HLCS: variants seen among roughly 807,000 people sequenced by gnomAD.
The protein encoded by HLCS is holocarboxylase synthetase, also known as biotin--protein ligase.
HLCS carries 53 observed loss-of-function variants against 75.0 expected under a neutral mutation model. The observed-to-expected ratio is 0.71, with a 90% CI of 0.57 to 0.89. The LOEUF (loss-of-function observed/expected upper bound fraction) is 0.89, where lower values mean the gene tolerates loss of function less well. Among genes scored for constraint, HLCS ranks in the 40% least tolerant of loss-of-function variants. The pLI, the probability that HLCS is intolerant of heterozygous loss-of-function variation, is 0.00. For synonymous variants in HLCS, 431 were observed against 428.6 expected, an observed-to-expected ratio of 1.01 and a Z score of -0.07; for missense variants, 966 against 1,074.0, an observed-to-expected ratio of 0.90 and a Z score of 1.41.
Position 36,902,211 on chromosome 21 carries a change from A to T in HLCS, c.1621-5080T>A, listed in dbSNP as rs564551648. On this transcript the variant is annotated intron_variant, in intron 5 of 10. Transcript: ENST00000674895. ...TGGCAAAGGGTCTCCTTTAAAGGGT[A>T]GAGAGGAATGGGGCAGTGGCTAGAG... is the stretch of plus-strand genomic sequence containing the variant. 2.2e-4 allele frequency among the ~76,000 whole-genome samples: 34 copies of T among 152,314 alleles called. No individual in the cohort carries two copies. The South Asian group carries it at 7.1e-3, about 32-fold the overall frequency.
At chr21:36,850,596 G>A (rs987810209) in intron 6 of HLCS, among the ~76,000 whole-genome samples, 3 of 150,962 alleles carry the variant, frequency 2.0e-5, no homozygotes, top group Admixed American at 6.5e-5. Context: ...TGTCCTTAGC[G>A]CCTTGAGTCC....
intron 6 of HLCS, among the ~76,000 whole-genome samples, chr21:36,784,113 C>T (rs1385959668): frequency 6.6e-6 from 1 of 152,072 alleles, no homozygotes; most frequent in Non-Finnish European, 1.5e-5. Flanking sequence ...TTAAATGTCC[C>T]AGTGACTCTC....
At chr21:36,974,858 G>T (rs550422869) in intron 1 of HLCS, 2 of 152,190 alleles carry the variant, frequency 1.3e-5, no homozygotes, top group African/African-American at 4.8e-5. Flanking sequence ...AATTTCTGTT[G>T]TTGAAGCCCC....
intron 6 of HLCS, among the ~76,000 whole-genome samples, chr21:36,860,365 AGGAAGCCACACCCG>A (rs1382241577): frequency 1.1e-4 from 17 of 151,426 alleles, no homozygotes; most frequent in African/African-American, 4.2e-4. Context: ...ACACCCCTCC[AGGAAGCCACACCCG>A]CCAGGAAGTC....
intron 6 of HLCS, among the ~76,000 whole-genome samples, chr21:36,793,295 C>CTTTTTTTTTTTTTTTTTTTTTTTTTTTTT (rs761549990): frequency 2.6e-5 from 3 of 116,260 alleles, no homozygotes; most frequent in Admixed American, 9.0e-5. Flanking sequence ...AGGAAGCAGT[C>CTTTTTTTTTTTTTTTTTTTTTTTTTTTTT]TTTTTTTTTT....
chr21:36,926,383 C>A (rs2066408162), intron 5 of HLCS, among the ~76,000 whole-genome samples: 1 of 152,142 alleles, frequency 6.6e-6, no homozygotes, highest in South Asian at 2.1e-4. Context: ...CAGAGCGAAC[C>A]CTTTCTAAAT....
chr21:36,964,628 G>A (rs1375039540), intron 1 of HLCS, among the ~76,000 whole-genome samples: 2 of 152,304 alleles, frequency 1.3e-5, no homozygotes, highest in South Asian at 2.1e-4. Flanking sequence ...TTACTGTGCA[G>A]AGTGACAGAG....
At chr21:36,925,918 T>C (rs544164443) in intron 5 of HLCS, among the ~76,000 whole-genome samples, 1 of 152,348 alleles carries the variant, frequency 6.6e-6, no homozygotes, top group African/African-American at 2.4e-5. Flanking sequence ...AAAAGAATTA[T>C]GTTTTTTCTG....
intron 6 of HLCS, among the ~76,000 whole-genome samples, chr21:36,874,022 G>A (rs556672025): frequency 2.0e-5 from 3 of 152,220 alleles, no homozygotes; most frequent in South Asian, 2.1e-4. Context: ...AAAACTTTAC[G>A]ATTTTTCACT....
chr21:36,829,510 TATAA>T (rs1361210321), intron 6 of HLCS, among the ~76,000 whole-genome samples: 1 of 152,250 alleles, frequency 6.6e-6, no homozygotes, highest in African/African-American at 2.4e-5. Flanking sequence ...CAGGTATTAC[TATAA>T]ATATTGTCAT....
At chr21:36,904,960 G>C (rs1046362860) in intron 5 of HLCS, among the ~76,000 whole-genome samples, 2 of 152,180 alleles carry the variant, frequency 1.3e-5, no homozygotes, top group Non-Finnish European at 2.9e-5. Context: ...TCTGCAATAC[G>C]CAAATGCACC....
intron 5 of HLCS, among the ~76,000 whole-genome samples, chr21:36,921,112 T>C (rs954288272): frequency 1.3e-5 from 2 of 152,186 alleles, no homozygotes. Flanking sequence ...AATGTTTACC[T>C]AGGGCATACA....
intron 6 of HLCS, among the ~76,000 whole-genome samples, chr21:36,874,819 C>A (rs2063904987): frequency 6.6e-6 from 1 of 152,072 alleles, no homozygotes; most frequent in Admixed American, 6.5e-5. Context: ...CCAGGTGCAG[C>A]TGCGGCCACC....
chr21:36,916,556 G>C (rs966589559), intron 5 of HLCS, among the ~76,000 whole-genome samples: 1 of 130,480 alleles, frequency 7.7e-6, no homozygotes, highest in African/African-American at 2.9e-5. Context: ...ATCTTTTGTA[G>C]AGGTGGAGTC....
intron 6 of HLCS, among the ~76,000 whole-genome samples, chr21:36,782,504 T>C (rs2060564532): frequency 6.6e-6 from 1 of 152,208 alleles, no homozygotes; most frequent in Non-Finnish European, 1.5e-5. Flanking sequence ...GCTGGAGACC[T>C]GACCTCCTTA....
At position 36,886,432 on chromosome 21, in the gene HLCS, C is replaced by CA. The variant is rs11297170; in HGVS notation, c.1892+10427dup. On this transcript the variant is annotated intron_variant, in intron 6 of 10. Coordinates refer to ENST00000674895, the MANE Select transcript of HLCS (RefSeq NM_001352514.2). The stretch of plus-strand genomic sequence containing the variant: ...TGAGCAACAGAGCGAGACTCCATCT[C>CA]AAAAAAAAAAAAAAAAAAAAAAAGA... Among the ~76,000 whole-genome samples the CA allele has an allele frequency of 7.1e-3, 472 of 66,530 alleles. 1 individual carries two copies. The highest frequency in any genetic ancestry group is 9.6e-3 in the East Asian group (23 of 2,404). The allele number at this position is 66,530 out of a possible 152,430, so 43.6% of individuals were successfully genotyped here.
At position 36,869,097 on chromosome 21, in the gene HLCS, A is replaced by AATTTATTT. The variant is rs71198837; in HGVS notation, c.1892+27755_1892+27762dup. On this transcript the variant is annotated intron_variant, in intron 6 of 10. Coordinates refer to ENST00000674895, the MANE Select transcript of HLCS (RefSeq NM_001352514.2). ...TCCATGCATTAAGCAAAAGATGTTT[A>AATTTATTT]ATTTATTTATTTATTTATTTATTTA... is the stretch of plus-strand genomic sequence containing the variant. Among the ~76,000 whole-genome samples the AATTTATTT allele has an allele frequency of 4.0e-3, 436 of 109,142 alleles. 2 individuals carry two copies. The highest frequency in any genetic ancestry group is 5.8e-3 in the South Asian group (18 of 3,082). 71.6% of individuals were successfully genotyped at this position (109,142 alleles called of 152,430 possible).
chr21:36,966,437 C>T lies in HLCS; in HGVS notation c.195+7G>A. 6.4e-6 allele frequency: 6 copies of T among 931,906 alleles called. No individual in the cohort carries two copies. Among genetic ancestry groups the T allele is most frequent in the African/African-American group, 1.8e-5 (1 of 56,110 alleles). 57.7% of individuals were successfully genotyped at this position (931,906 alleles called of 1,614,324 possible). ...GCCCGGGTCGCCCGCCCGCCCGACC[C>T]GCCCACCTGGCTGTCGCTGACGCAG... On this transcript the variant is annotated splice_region_variant and intron_variant, in intron 1 of 10. Transcript: ENST00000674895.
At chr21:36,834,130 G>A (rs115704531) in intron 6 of HLCS, among the ~76,000 whole-genome samples, 156 of 152,328 alleles carry the variant, frequency 1.0e-3, no homozygotes, top group African/African-American at 3.4e-3. Context: ...GGACTTTGGC[G>A]TACGCCGGGG....
Sources: allele counts gnomAD v4.1 joint callset (sites outside exome capture counted in the v4.1 genomes callset), GRCh38; gene constraint gnomAD v4.1.1; transcripts MANE v1.5; gene names NCBI Gene and HGNC (gene_info 2026-07-23, HGNC 2026-07-21).